RALGAPA2: variants seen among roughly 807,000 people sequenced by gnomAD.
RALGAPA2 encodes Ral GTPase activating protein catalytic subunit alpha 2, also known as ral GTPase-activating protein subunit alpha-2.
A neutral mutation model predicts 230.4 loss-of-function variants in RALGAPA2; 139 were observed. The ratio of observed to expected loss-of-function variants is 0.60; its 90% CI spans 0.53 to 0.69. RALGAPA2 has a LOEUF of 0.69. Ranked by LOEUF, RALGAPA2 falls within the 30% of genes least tolerant of loss-of-function variation. RALGAPA2 has a pLI of 0.00. For missense variants in RALGAPA2, 2,163 were observed against 2,276.0 expected, an observed-to-expected ratio of 0.95 and a Z score of 1.01; for synonymous variants, 847 against 837.8, an observed-to-expected ratio of 1.01 and a Z score of -0.19.
At chr20:20,702,249 C>T (rs192302560) in intron 1 of RALGAPA2, among the ~76,000 whole-genome samples, 113 of 152,174 alleles carry the variant, frequency 7.4e-4, no homozygotes, top group African/African-American at 2.7e-3. Context: ...ATGGACAACA[C>T]CATCCAGGAA....
intron 32 of RALGAPA2, among the ~76,000 whole-genome samples, chr20:20,511,884 A>G (rs2062713878): frequency 6.6e-6 from 1 of 152,186 alleles, no homozygotes. Context: ...TAATGGACAA[A>G]GCAGTAATTA....
chr20:20,526,189 T>G (rs1312811842), intron 28 of RALGAPA2, 63 bp downstream of exon 28: 23 of 1,178,260 alleles, frequency 2.0e-5, no homozygotes, highest in Middle Eastern at 2.1e-4. Flanking sequence ...TATAATTAAT[T>G]AAATATCAAA....
chr20:20,619,353 G>A lies in RALGAPA2; in HGVS notation c.1463C>T (p.Thr488Ile). ...CACACACCCTCTGCTCATTGCACTT[G>A]TGAAGGAGTATGTGCGTCCCCAACT... is the stretch of plus-strand genomic sequence containing the variant. ...SSSWGRTYSF[T>I]SAMSRGCVTE... The change falls in exon 12 of 40, where the codon ACA becomes ATA. Residue 488 changes from threonine (T) to isoleucine (I), a missense_variant. Coordinates refer to ENST00000202677, the MANE Select transcript of RALGAPA2 (RefSeq NM_020343.4). 1 of 1,612,332 alleles carries A rather than the reference G, an allele frequency of 6.2e-7. No homozygotes were observed. The highest frequency in any genetic ancestry group is 1.1e-5 in the South Asian group (1 of 90,832).
At chr20:20,485,907 G>A (rs2061897581) in intron 36 of RALGAPA2, among the ~76,000 whole-genome samples, 1 of 152,152 alleles carries the variant, frequency 6.6e-6, no homozygotes, top group South Asian at 2.1e-4. Flanking sequence ...TGGGAGGCCA[G>A]GGTGAGCAGA....
intron 26 of RALGAPA2, 58 bp from the exon 27 acceptor site, chr20:20,531,853 G>A: frequency 7.8e-7 from 1 of 1,286,962 alleles, no homozygotes; most frequent in Non-Finnish European, 1.1e-6. Flanking sequence ...TACTTTCTCA[G>A]TATTTTCAAA....
At chr20:20,619,172 A>C (rs1386334573) in intron 12 of RALGAPA2, 105 bp downstream of exon 12, 2 of 1,137,726 alleles carry the variant, frequency 1.8e-6, no homozygotes, top group South Asian at 3.8e-5. Flanking sequence ...AGATGGCTAC[A>C]AATACCACCA....
chr20:20,656,698 TAAG>T (rs1391483514), intron 3 of RALGAPA2, among the ~76,000 whole-genome samples: 1 of 152,174 alleles, frequency 6.6e-6, no homozygotes, highest in African/African-American at 2.4e-5. Context: ...AATATCTTAA[TAAG>T]AACCCACGTG....
At position 20,638,561 on chromosome 20, in the gene RALGAPA2, G is replaced by A. The variant is rs532708304; in HGVS notation, c.667-1060C>T. On this transcript the variant is annotated intron_variant, in intron 7 of 39. Coordinates refer to ENST00000202677, the MANE Select transcript of RALGAPA2 (RefSeq NM_020343.4). ...CCTCTATCCTATATCAATTCCATCC[G>A]CCTTATCTGAGGTCACACAACTCAT... Among the ~76,000 whole-genome samples the A allele has an allele frequency of 1.2e-4, 19 of 152,182 alleles. No homozygotes were observed. In the East Asian group the frequency reaches 1.9e-3, roughly 15 times the overall value.
At chr20:20,470,346 C>T (rs923619310) in intron 37 of RALGAPA2, among the ~76,000 whole-genome samples, 6 of 152,162 alleles carry the variant, frequency 3.9e-5, no homozygotes, top group Admixed American at 6.5e-5. Context: ...CCAACTGACA[C>T]GATTTTAAGG....
chr20:20,576,229 CA>C (rs951519549), intron 20 of RALGAPA2, among the ~76,000 whole-genome samples: 10 of 152,080 alleles, frequency 6.6e-5, no homozygotes, highest in Non-Finnish European at 1.3e-4. Flanking sequence ...TTTATTACAA[CA>C]AACCAATACT....
intron 30 of RALGAPA2, among the ~76,000 whole-genome samples, chr20:20,522,557 G>A (rs1341592090): frequency 6.6e-6 from 1 of 152,184 alleles, no homozygotes; most frequent in South Asian, 2.1e-4. Flanking sequence ...ATGGGTATGG[G>A]ACCAGTGGCT....
chr20:20,698,724 T>C (rs761484529), intron 1 of RALGAPA2, among the ~76,000 whole-genome samples: 1 of 152,218 alleles, frequency 6.6e-6, no homozygotes, highest in Non-Finnish European at 1.5e-5. Flanking sequence ...TTATGTTATG[T>C]GAATTTCACA....
At chr20:20,676,607 T>C (rs1467435080) in intron 2 of RALGAPA2, among the ~76,000 whole-genome samples, 1 of 152,204 alleles carries the variant, frequency 6.6e-6, no homozygotes, top group Non-Finnish European at 1.5e-5. Flanking sequence ...TGTGGCAGAA[T>C]GCACAGCACA....
intron 1 of RALGAPA2, among the ~76,000 whole-genome samples, chr20:20,685,587 G>A (rs529844204): frequency 4.6e-5 from 7 of 152,282 alleles, no homozygotes; most frequent in Non-Finnish European, 7.3e-5. Context: ...CTGGTCCTGC[G>A]ACTCCATAAC....
intron 4 of RALGAPA2, among the ~76,000 whole-genome samples, chr20:20,650,677 T>G (rs899969641): frequency 2.6e-5 from 4 of 152,156 alleles, no homozygotes; most frequent in Non-Finnish European, 5.9e-5. Context: ...ACTCAGAAGT[T>G]TTGTAAAAGT....
At chr20:20,546,573 G>T in intron 24 of RALGAPA2, 131 bp downstream of exon 24, 1 of 1,201,624 alleles carries the variant, frequency 8.3e-7, no homozygotes, top group Non-Finnish European at 1.1e-6. Flanking sequence ...AGCTGCCAGG[G>T]TATCTACCCT....
Position 20,591,308 on chromosome 20 carries a change from T to G in RALGAPA2, c.2210A>C (p.Glu737Ala). The stretch of plus-strand genomic sequence containing the variant: ...TGCATTTTCTGACTGTTGACACTCC[T>G]CCACTTCTGTGAGCATTAACAAAAC... Reference protein sequence around the residue: ...NIVRQKATEVEECQQSENAPA... With the variant: ...NIVRQKATEVAECQQSENAPA... Residue 737 changes from glutamate to alanine, a missense_variant, in exon 17 of 40, where the codon GAG becomes GCG. By Grantham distance (107) the Glu-to-Ala change is moderately radical (BLOSUM62 -1). Coordinates refer to ENST00000202677, the MANE Select transcript of RALGAPA2 (RefSeq NM_020343.4). 2 of 1,613,372 alleles carry G rather than the reference T, an allele frequency of 1.2e-6. No individual in the cohort carries two copies. Among genetic ancestry groups the G allele is most frequent in the South Asian group, 2.2e-5 (2 of 91,030 alleles).
Position 20,637,391 on chromosome 20 carries a change from C to G in RALGAPA2, c.777G>C (p.Lys259Asn). Residue 259 changes from lysine to asparagine, a missense_variant, in exon 8 of 40, where the codon AAG becomes AAC. Transcript: ENST00000202677. ...GTACAGGTTTGTAGATGTTTGTTAACTTAGTAAATGATGGAAATAAATGAG... is the reference window on the plus strand; with the variant it reads ...GTACAGGTTTGTAGATGTTTGTTAAGTTAGTAAATGATGGAAATAAATGAG... Reference protein sequence around the residue: ...YLPHLFPSFTKLTNIYKPVLD... With the variant: ...YLPHLFPSFTNLTNIYKPVLD... 1.3e-6 allele frequency: 2 copies of G among 1,598,768 alleles called. No homozygotes were observed. The highest frequency in any genetic ancestry group is 2.2e-5 in the East Asian group (1 of 44,510).
chr20:20,411,987 C>A (rs148840313), intron 38 of RALGAPA2, 40 bp downstream of exon 38: 3 of 1,609,086 alleles, frequency 1.9e-6, no homozygotes, highest in Admixed American at 1.7e-5. Flanking sequence ...TGCTCGAATG[C>A]GTCTTAAGCG....
Sources: allele counts gnomAD v4.1 joint callset (sites outside exome capture counted in the v4.1 genomes callset), GRCh38; gene constraint gnomAD v4.1.1; transcripts MANE v1.5; gene names NCBI Gene and HGNC (gene_info 2026-07-23, HGNC 2026-07-21).